Variants in MYH6 observed in about 807,000 individuals in gnomAD.
MYH6 encodes myosin-6.
A neutral mutation model predicts 223.2 loss-of-function variants in MYH6; 126 were observed. That is an observed-to-expected ratio of 0.56 (90% confidence interval 0.49 to 0.65). The LOEUF (loss-of-function observed/expected upper bound fraction) is 0.65, where lower values mean the gene tolerates loss of function less well. Ranked by LOEUF, MYH6 falls within the 30% of genes least tolerant of loss-of-function variation. The pLI, the probability that MYH6 is intolerant of heterozygous loss-of-function variation, is 0.00. For missense variants in MYH6, 2,040 were observed against 2,536.4 expected (o/e 0.80, Z 4.20); for synonymous variants, 978 against 1,010.2 (o/e 0.97, Z 0.61).
intron 3 of MYH6, among the ~76,000 whole-genome samples, chr14:23,406,489 C>T (rs1891792054): frequency 6.6e-6 from 1 of 152,194 alleles, no homozygotes; most frequent in African/African-American, 2.4e-5. Context: ...AGGCACACAG[C>T]CCTGAGCCGC....
Position 23,383,339 on chromosome 14 carries a change from G to GGGGGGAA in MYH6, c.5566-20_5566-19insTTCCCCC. ...CCTCTGTCTGGGGGTGGGAGGGTGG[G>GGGGGGAA]AGAAGCTGGTTTGGAGGGGGAGCAA... On this transcript the variant is annotated intron_variant, in intron 36 of 38. Transcript: ENST00000405093. 1.8e-5 allele frequency: 2 copies of GGGGGGAA among 108,194 alleles called. No individual in the cohort carries two copies. Among genetic ancestry groups the GGGGGGAA allele is most frequent in the Non-Finnish European group, 1.8e-5 (1 of 54,378 alleles). The allele number at this position is 108,194 out of a possible 1,614,324, so 6.7% of individuals were successfully genotyped here. A position where few individuals can be genotyped will look rare whatever the true frequency, so the allele number is the denominator to read the frequency against.
rs372290580 is a variant in MYH6 at position 23,384,900 on chromosome 14, G to A, written c.5289+16C>T. Reference sequence around the variant, plus strand: ...TTTCTGTCTTTAGGGGAGGCGGAAGGTGGGCGGTCACTTACATCCGTGATG... The same window carrying A: ...TTTCTGTCTTTAGGGGAGGCGGAAGATGGGCGGTCACTTACATCCGTGATG... On this transcript the variant is annotated intron_variant, in intron 35 of 38. Coordinates refer to ENST00000405093, the MANE Select transcript of MYH6 (RefSeq NM_002471.4). The A allele has an allele frequency of 2.1e-5, 34 of 1,613,628 alleles. No homozygotes were observed. The highest frequency in any genetic ancestry group is 4.0e-5 in the African/African-American group (3 of 74,936).
Position 23,407,832 on chromosome 14 carries a change from G to T in MYH6, c.-46-224C>A, listed in dbSNP as rs1442404665. Among the ~76,000 whole-genome samples the T allele has an allele frequency of 1.3e-5, 2 of 152,154 alleles. No individual in the cohort carries two copies. The highest frequency in any genetic ancestry group is 2.9e-5 in the Non-Finnish European group (2 of 68,020). ...GCGAGGGACGGGGTGTGGAAACAGGGTTAGAAGCAGAGAGGCAGGGAGGTG... is the reference window on the plus strand; with the variant it reads ...GCGAGGGACGGGGTGTGGAAACAGGTTTAGAAGCAGAGAGGCAGGGAGGTG... On this transcript the variant is annotated intron_variant, in intron 1 of 38. Transcript: ENST00000405093. The surrounding 1 kb of genome is among the most constrained non-coding windows in gnomAD (Gnocchi z 5.6).
chr14:23,382,623 T>A, intron 37 of MYH6, 61 bp from the exon 38 acceptor site: 1 of 1,613,420 alleles, frequency 6.2e-7, no homozygotes, highest in South Asian at 1.1e-5. Flanking sequence ...ATTCTCAGCC[T>A]CTCAACCTGA....
chr14:23,407,247 G>A lies in MYH6; in HGVS notation c.-13-11C>T, dbSNP rs1891819570. 1.2e-6 allele frequency: 2 copies of A among 1,613,892 alleles called. No individual in the cohort carries two copies. The highest frequency in any genetic ancestry group is 1.1e-5 in the South Asian group (1 of 91,052). ...ATCTTGGTGCTTCCCCTGGGTCAGA[G>A]ACAGGAGGGCTATGTTACTCCTGAG... is the stretch of plus-strand genomic sequence containing the variant. On this transcript the variant is annotated splice_polypyrimidine_tract_variant and intron_variant, in intron 2 of 38. Transcript: ENST00000405093. The surrounding 1 kb of genome is among the most constrained non-coding windows in gnomAD (Gnocchi z 5.6).
Position 23,405,326 on chromosome 14 carries a change from C to T in MYH6, c.399G>A (p.Val133=), listed in dbSNP as rs78891557. ...AGGCGGCCACCACCTCGGCATTGTA[C>T]ACCGGCAGCCACTTGTAGGGGTTGA... ...VTVNPYKWLP[V]YNAEVVAAYR... Residue 133 remains valine (V), a synonymous_variant, in exon 5 of 39, where the codon GTG becomes GTA. Transcript: ENST00000405093. The surrounding 1 kb of genome is among the most constrained non-coding windows in gnomAD (Gnocchi z 4.7). 2.2e-3 allele frequency: 3,597 copies of T among 1,614,140 alleles called. 94 individuals carry two copies. The African/African-American group carries it at 0.043, about 19-fold the overall frequency.
At chr14:23,394,959 G>C (rs780656990) in intron 20 of MYH6, among the ~76,000 whole-genome samples, 1 of 152,202 alleles carries the variant, frequency 6.6e-6, no homozygotes. Context: ...TCTGCCACCC[G>C]GATTCAAGCG....
At chr14:23,401,318 T>C (rs911880777) in intron 12 of MYH6, among the ~76,000 whole-genome samples, 2 of 152,246 alleles carry the variant, frequency 1.3e-5, no homozygotes, top group African/African-American at 2.4e-5. Flanking sequence ...GAGTGAACAC[T>C]TTCAGGGAGT....
At chr14:23,382,836 G>A (rs978873574) in intron 37 of MYH6, among the ~76,000 whole-genome samples, 11 of 152,084 alleles carry the variant, frequency 7.2e-5, no homozygotes, top group African/African-American at 2.2e-4. Context: ...CACCTGTCCC[G>A]GACCCCAGCT....
rs762538784 is a variant in MYH6 at position 23,405,079 on chromosome 14, G to A, written c.530+21C>T. ...ATGCCCCCAGCCCAGTCCCTTCTGTGGGAGGATGGCACTCGCTCACGTGAT... is the reference window on the plus strand; with the variant it reads ...ATGCCCCCAGCCCAGTCCCTTCTGTAGGAGGATGGCACTCGCTCACGTGAT... On this transcript the variant is annotated intron_variant, in intron 6 of 38. Coordinates refer to ENST00000405093, the MANE Select transcript of MYH6 (RefSeq NM_002471.4). This position sits in a 1 kb window ranked among gnomAD's most constrained non-coding sequence, Gnocchi z 4.7. The A allele has an allele frequency of 1.1e-5, 17 of 1,613,928 alleles. No individual in the cohort carries two copies. Among genetic ancestry groups the A allele is most frequent in the Admixed American group, 8.3e-5 (5 of 59,994 alleles).
At chr14:23,394,389 C>T in intron 20 of MYH6, 66 bp from the exon 21 acceptor site, 5 of 1,602,980 alleles carry the variant, frequency 3.1e-6, no homozygotes, top group Non-Finnish European at 4.3e-6. Context: ...ATGGGCCCTA[C>T]TAAGCAAGTT....
At position 23,390,361 on chromosome 14, in the gene MYH6, C is replaced by T. The variant is rs543585784; in HGVS notation, c.3428G>A (p.Arg1143Gln). ...KVEKLRSDLS[R>Q]ELEEISERLE... ...CCGCTCGCTGATCTCCTCCAGCTCC[C>T]GAGACAGGTCTGAGCGCAGCTTCTC... Residue 1143 changes from arginine (R) to glutamine (Q), a missense_variant, in exon 26 of 39, where the codon CGG becomes CAG. By Grantham distance (43) the Arg-to-Gln change is conservative (BLOSUM62 1). Transcript: ENST00000405093. The T allele has an allele frequency of 3.9e-5, 63 of 1,608,354 alleles. No individual in the cohort carries two copies. The South Asian group carries it at 5.0e-4, about 13-fold the overall frequency.
intron 12 of MYH6, among the ~76,000 whole-genome samples, chr14:23,401,618 A>G (rs1891604827): frequency 6.6e-6 from 1 of 152,196 alleles, no homozygotes; most frequent in African/African-American, 2.4e-5. Context: ...TCGCCTCTCC[A>G]GGGCAAGGGT....
chr14:23,386,081 C>T lies in MYH6; in HGVS notation c.5010G>A (p.Lys1670=), dbSNP rs757145123. The change falls in exon 34 of 39, where the codon AAG becomes AAA. Residue 1670 remains lysine (K), a synonymous_variant. Coordinates refer to ENST00000405093, the MANE Select transcript of MYH6 (RefSeq NM_002471.4). ...GCCGCTCCACGATGGCGATGTTCTCCTTCAGGTCGTCGTTGGCACGGACCG... is the reference window on the plus strand; with the variant it reads ...GCCGCTCCACGATGGCGATGTTCTCTTTCAGGTCGTCGTTGGCACGGACCG... ...DDAVRANDDL[K]ENIAIVERRN... 3 of 1,614,244 alleles carry T rather than the reference C, an allele frequency of 1.9e-6. No individual in the cohort carries two copies. Among genetic ancestry groups the T allele is most frequent in the Non-Finnish European group, 1.7e-6 (2 of 1,180,040 alleles).
chr14:23,406,208 C>T (rs2138621252), intron 3 of MYH6, among the ~76,000 whole-genome samples: 1 of 152,310 alleles, frequency 6.6e-6, no homozygotes, highest in East Asian at 1.9e-4. Flanking sequence ...AAAAGTAGTT[C>T]ACCCATCTAC....
At chr14:23,383,087 A>C in intron 37 of MYH6, 138 bp downstream of exon 37, 1 of 807,218 alleles carries the variant, frequency 1.2e-6, no homozygotes, top group Non-Finnish European at 2.1e-6. Flanking sequence ...CTCTGAGCAT[A>C]CCAGATGTGT....
At chr14:23,406,244 G>A (rs1891783496) in intron 3 of MYH6, among the ~76,000 whole-genome samples, 1 of 152,204 alleles carries the variant, frequency 6.6e-6, no homozygotes, top group South Asian at 2.1e-4. Context: ...CATCACTGTT[G>A]GTGTGGTTTG....
chr14:23,407,042 G>A lies in MYH6; in HGVS notation c.182C>T (p.Ala61Val), dbSNP rs730880148. 5.6e-6 allele frequency: 9 copies of A among 1,614,012 alleles called. No homozygotes were observed. In the Admixed American group the frequency reaches 8.3e-5, roughly 15 times the overall value. ...ACTCACCTTCCCATTCTCGGTTTCA[G>A]CAATGACCTTGCCTCCCTCCCGGGA... ...ILSREGGKVI[A>V]ETENGKTVTV... is the part of the protein sequence containing the mutation. The change falls in exon 3 of 39, where the codon GCT (alanine) becomes GTT (valine). Residue 61 changes from alanine (A) to valine (V), a missense_variant. Around this residue, in one of 4 missense-constraint regions of MYH6, gnomAD observed 184 missense variants for 232.4 expected, o/e 0.79. Transcript: ENST00000405093. This position sits in a 1 kb window ranked among gnomAD's most constrained non-coding sequence, Gnocchi z 5.6.
intron 37 of MYH6, 23 bp from the exon 38 acceptor site, chr14:23,382,585 G>A (rs1566503585): frequency 1.9e-6 from 3 of 1,614,122 alleles, no homozygotes; most frequent in Non-Finnish European, 1.7e-6. Context: ...AGTGGGGATG[G>A]GTGAATGAGC....
Sources: gnomAD v4.1 joint callset for allele counts (sites outside exome capture counted in the v4.1 genomes callset) on GRCh38, gnomAD v4.1.1 for gene constraint, gnomAD v4.1.1 regional missense constraint, Gnocchi (gnomAD v3.1) non-coding constraint, MANE v1.5 for transcripts, NCBI Gene and HGNC (gene_info 2026-07-23, HGNC 2026-07-21) for gene names.